EMCN: variants seen among roughly 807,000 people sequenced by gnomAD.
EMCN encodes the protein endomucin.
EMCN carries 37 observed loss-of-function variants against 38.4 expected under a neutral mutation model. The observed-to-expected ratio is 0.96, with a 90% CI of 0.74 to 1.27. EMCN has a LOEUF of 1.27. EMCN is among the 50% of genes most tolerant of loss of function. The pLI is 0.00. For synonymous variants in EMCN, 95 were observed against 100.8 expected, an observed-to-expected ratio of 0.94 and a Z score of 0.35; for missense variants, 318 against 302.8, an observed-to-expected ratio of 1.05 and a Z score of -0.37.
intron 4 of EMCN, among the ~76,000 whole-genome samples, chr4:100,450,048 A>G (rs907609129): frequency 1.3e-5 from 2 of 152,072 alleles, no homozygotes; most frequent in Admixed American, 1.3e-4. Flanking sequence ...TAAAGTTCTG[A>G]GAATTAATGA....
intron 1 of EMCN, among the ~76,000 whole-genome samples, chr4:100,504,162 C>A (rs564831399): frequency 6.6e-6 from 1 of 152,280 alleles, no homozygotes; most frequent in African/African-American, 2.4e-5. Context: ...CTCTTCCATC[C>A]CCAAGGAGAA....
chr4:100,417,011 A>G, intron 9 of EMCN, 106 bp downstream of exon 9: 2 of 1,173,388 alleles, frequency 1.7e-6, no homozygotes, highest in South Asian at 1.3e-5. Context: ...CAATATGTAG[A>G]TTTTCTACAC....
At chr4:100,466,822 G>C (rs1409079780) in intron 3 of EMCN, among the ~76,000 whole-genome samples, 8 of 152,156 alleles carry the variant, frequency 5.3e-5, no homozygotes, top group African/African-American at 1.9e-4. Context: ...CTTCCCACTG[G>C]AATTCCAACA....
intron 5 of EMCN, among the ~76,000 whole-genome samples, chr4:100,445,609 T>G (rs952689386): frequency 3.9e-5 from 6 of 152,200 alleles, no homozygotes; most frequent in African/African-American, 1.4e-4. Context: ...AAATATGAAT[T>G]ATTTTTAATA....
chr4:100,408,722 A>G (rs1290875343), intron 11 of EMCN, among the ~76,000 whole-genome samples: 2 of 152,118 alleles, frequency 1.3e-5, no homozygotes, highest in Non-Finnish European at 2.9e-5. Context: ...AGACAAGCTT[A>G]GGATTTTTTC....
At position 100,511,999 on chromosome 4, in the gene EMCN, A is replaced by G. The variant is rs141437464; in HGVS notation, c.64+5852T>C. On this transcript the variant is annotated intron_variant, in intron 1 of 11. Transcript: ENST00000296420. ...GCACTTCTAGTTCAGGCATCTGATA[A>G]TGCCAGATTCTGAAATGCACCTTTA... 3.3e-5 allele frequency among the ~76,000 whole-genome samples: 5 copies of G among 152,322 alleles called. No homozygotes were observed. The East Asian group carries it at 9.7e-4, about 29-fold the overall frequency.
chr4:100,439,780 C>A (rs1192458463), intron 5 of EMCN, among the ~76,000 whole-genome samples: 2 of 151,714 alleles, frequency 1.3e-5, no homozygotes, highest in Non-Finnish European at 3.0e-5. Context: ...AAACTTTTCT[C>A]TTTGAACTGC....
chr4:100,479,985 A>G lies in EMCN; in HGVS notation c.119T>C (p.Ile40Thr). The G allele has an allele frequency of 6.2e-7, 1 of 1,606,884 alleles. No individual in the cohort carries two copies. Among genetic ancestry groups the G allele is most frequent in the Non-Finnish European group, 8.5e-7 (1 of 1,178,322 alleles). ...TAATGATTCTGTGTTTGGTGTTGTT[A>G]TAGATGGTTTTGTTGTAGTAACAAC... is the stretch of plus-strand genomic sequence containing the variant. Reference protein sequence around the residue: ...SLVVTTTKPSITTPNTESLQK... With the variant: ...SLVVTTTKPSTTTPNTESLQK... The change falls in exon 2 of 12, where the codon ATA becomes ACA. Residue 40 changes from isoleucine (I) to threonine (T), a missense_variant. Ile to Thr is a moderately conservative substitution (Grantham distance 89). Transcript: ENST00000296420.
intron 2 of EMCN, among the ~76,000 whole-genome samples, chr4:100,476,215 T>C (rs1728646162): frequency 8.8e-6 from 1 of 113,384 alleles, no homozygotes; most frequent in Non-Finnish European, 1.7e-5. Flanking sequence ...TCTCCCTCCA[T>C]CCCTCCCTCC....
At chr4:100,462,369 T>G (rs909046888) in intron 4 of EMCN, among the ~76,000 whole-genome samples, 1 of 152,138 alleles carries the variant, frequency 6.6e-6, no homozygotes, top group African/African-American at 2.4e-5. Flanking sequence ...AGCATTCTAC[T>G]TCATGAATTG....
At chr4:100,403,379 C>T (rs1196203939) in intron 11 of EMCN, among the ~76,000 whole-genome samples, 4 of 152,030 alleles carry the variant, frequency 2.6e-5, no homozygotes, top group African/African-American at 4.8e-5. Context: ...CAATCTGGCT[C>T]TCTTATATGG....
At chr4:100,507,600 G>C (rs939122734) in intron 1 of EMCN, among the ~76,000 whole-genome samples, 5 of 152,088 alleles carry the variant, frequency 3.3e-5, no homozygotes, top group African/African-American at 1.2e-4. Flanking sequence ...TGGCTAGAGG[G>C]CCTGTGCAGA....
At chr4:100,408,142 A>G (rs558252961) in intron 11 of EMCN, among the ~76,000 whole-genome samples, 1 of 152,266 alleles carries the variant, frequency 6.6e-6, no homozygotes, top group South Asian at 2.1e-4. Flanking sequence ...TGAATTCCTC[A>G]GATTCCTCGG....
At chr4:100,406,910 T>C (rs968451276) in intron 11 of EMCN, among the ~76,000 whole-genome samples, 4 of 152,312 alleles carry the variant, frequency 2.6e-5, no homozygotes, top group African/African-American at 9.6e-5. Context: ...CCAGGTGCTG[T>C]AGTATTGGGT....
At position 100,415,953 on chromosome 4, in the gene EMCN, CTG is replaced by C; in HGVS notation, c.694_695del (p.Gln232ValfsTer2). 1 of 1,584,486 alleles carries C rather than the reference CTG, an allele frequency of 6.3e-7. No homozygotes were observed. ...GAAGCTTCACGCTCTCTTTATCAGA[CTG>C]AGGTCTATTTGAAAAAAAAAACATG... Reference protein sequence around the residue: ...GTPENGNDQPQSDKESVKLLT... With the variant: ...GTPENGNDQPXSDKESVKLLT... On this transcript the variant is annotated frameshift_variant, in exon 10 of 12. Coordinates refer to ENST00000296420, the MANE Select transcript of EMCN (RefSeq NM_016242.4). LOFTEE classifies it high-confidence loss of function.
chr4:100,484,990 A>T (rs1426212303), intron 1 of EMCN, among the ~76,000 whole-genome samples: 1 of 152,110 alleles, frequency 6.6e-6, no homozygotes, highest in East Asian at 1.9e-4. Flanking sequence ...CTGAGAACAT[A>T]TTTACTTGCC....
At chr4:100,422,453 T>C (rs1459872907) in intron 7 of EMCN, among the ~76,000 whole-genome samples, 1 of 152,126 alleles carries the variant, frequency 6.6e-6, no homozygotes, top group Non-Finnish European at 1.5e-5. Flanking sequence ...TATTTAATAT[T>C]CTGTATTCAG....
rs182518618 is a variant in EMCN at position 100,475,512 on chromosome 4, T to C, written c.188-403A>G. 2.5e-4 allele frequency among the ~76,000 whole-genome samples: 38 copies of C among 152,006 alleles called. No individual in the cohort carries two copies. In the East Asian group the frequency reaches 6.4e-3, roughly 26 times the overall value. On this transcript the variant is annotated intron_variant, in intron 2 of 11. Coordinates refer to ENST00000296420, the MANE Select transcript of EMCN (RefSeq NM_016242.4). ...TTAGGAGTATCATGCCTTTTTTTTT[T>C]CTAGAATTACATTTCATTTTATTGA...
At chr4:100,466,797 G>C (rs1046757308) in intron 3 of EMCN, among the ~76,000 whole-genome samples, 5 of 152,190 alleles carry the variant, frequency 3.3e-5, no homozygotes, top group Non-Finnish European at 5.9e-5. Flanking sequence ...GGAACTCCTG[G>C]GGGTAAAGAT....
Sources: allele counts gnomAD v4.1 joint callset (sites outside exome capture counted in the v4.1 genomes callset), GRCh38; gene constraint gnomAD v4.1.1; transcripts MANE v1.5; gene names NCBI Gene and HGNC (gene_info 2026-07-23, HGNC 2026-07-21).